The following CDNF variants were observed in gnomAD, a reference collection of about 807,000 sequenced individuals.
The protein encoded by CDNF is cerebral dopamine neurotrophic factor.
In CDNF, 9 loss-of-function variants were observed where a neutral mutation model predicts 14.8. The observed-to-expected ratio is 0.61, with a 90% CI of 0.37 to 1.06. The LOEUF (loss-of-function observed/expected upper bound fraction) is 1.06. CDNF is among the 50% of genes least tolerant of loss of function. CDNF has a pLI of 0.01. For synonymous variants in CDNF, 86 were observed against 87.2 expected (o/e 0.99, Z 0.07); for missense variants, 228 against 228.4 (o/e 1.00, Z 0.01).
chr10:14,824,219 AC>A (rs1174929910), intron 3 of CDNF, among the ~76,000 whole-genome samples: 2 of 152,156 alleles, frequency 1.3e-5, no homozygotes, highest in Non-Finnish European at 2.9e-5. Flanking sequence ...TATGATACCC[AC>A]TCAATCTACC....
In CDNF at chr10:14,826,457, G is replaced by GA. The variant is rs1376757246; in HGVS notation, c.244-838dup. 3.0e-3 allele frequency among the ~76,000 whole-genome samples: 420 copies of GA among 140,088 alleles called. 2 individuals carry two copies. The highest frequency in any genetic ancestry group is 0.011 in the African/African-American group (400 of 35,508). 91.9% of individuals were successfully genotyped at this position (140,088 alleles called of 152,430 possible). On this transcript the variant is annotated intron_variant, in intron 2 of 3. Transcript: ENST00000465530. ...GAAGAAAGAAGCAGAAGAAGCAGAA[G>GA]AAGAAAGAAGCAGAAGAAGAAGAAA...
Position 14,819,907 on chromosome 10 carries a change from A to G in CDNF, c.*73T>C, listed in dbSNP as rs1201320813. 2.1e-6 allele frequency: 3 copies of G among 1,397,496 alleles called. No homozygotes were observed. The Admixed American group carries it at 6.4e-5, about 30-fold the overall frequency. The allele number at this position is 1,397,496 out of a possible 1,614,324, so 86.6% of individuals were successfully genotyped here. A position where few individuals can be genotyped will look rare whatever the true frequency, so the allele number is the denominator to read the frequency against. ...ATATGATGCATTCCCAGTTATCCTT[A>G]ATCAACATGTCCATATCCTAGAGAG... On this transcript the variant is annotated 3_prime_UTR_variant, in exon 4 of 4. Coordinates refer to ENST00000465530, the MANE Select transcript of CDNF (RefSeq NM_001029954.3).
At chr10:14,836,200 C>G (rs1833884587) in intron 1 of CDNF, 1 of 152,158 alleles carries the variant, frequency 6.6e-6, no homozygotes, top group South Asian at 2.1e-4. Context: ...GAGGGAGGAT[C>G]ACTCATAAGC....
At chr10:14,831,549 TACACACACAC>T (rs879601256) in intron 1 of CDNF, among the ~76,000 whole-genome samples, 1 of 147,298 alleles carries the variant, frequency 6.8e-6, no homozygotes, top group Non-Finnish European at 1.5e-5. Context: ...AATACATATA[TACACACACAC>T]ACACACACAT....
In CDNF at chr10:14,826,188, A is replaced by AAGC. The variant is rs1174055254; in HGVS notation, c.244-571_244-569dup. Among the ~76,000 whole-genome samples the AAGC allele has an allele frequency of 1.4e-3, 184 of 130,302 alleles. 5 individuals carry two copies. The highest frequency in any genetic ancestry group is 5.0e-3 in the African/African-American group (154 of 30,840). The allele number at this position is 130,302 out of a possible 152,430, so 85.5% of individuals were successfully genotyped here. A position where few individuals can be genotyped will look rare whatever the true frequency, so the allele number is the denominator to read the frequency against. On this transcript the variant is annotated intron_variant, in intron 2 of 3. Transcript: ENST00000465530. ...GAAGCAGAAGCAGCAGCAGAAGCAG[A>AAGC]AGCAGCAGAAGAAGAAGAAGAAGAA... is the stretch of plus-strand genomic sequence containing the variant.
At chr10:14,825,728 G>C (rs1564313112) in intron 2 of CDNF, 108 bp from the exon 3 acceptor site, 31 of 1,213,854 alleles carry the variant, frequency 2.6e-5, no homozygotes, top group Non-Finnish European at 3.3e-5. Context: ...GCTGGACATG[G>C]TGGCTCACGC....
intron 1 of CDNF, among the ~76,000 whole-genome samples, chr10:14,829,619 GTTTT>G (rs201102760): frequency 4.0e-5 from 6 of 151,778 alleles, no homozygotes; most frequent in Admixed American, 1.3e-4. Context: ...AGTCTTCAGA[GTTTT>G]TTTTGTTTGT....
intron 2 of CDNF, among the ~76,000 whole-genome samples, chr10:14,826,002 AAGAAGC>A (rs879772371): frequency 1.4e-4 from 19 of 134,560 alleles, no homozygotes; most frequent in Non-Finnish European, 1.4e-4. Flanking sequence ...GAAGCAGCAG[AAGAAGC>A]AGAAGCAGAA....
intron 2 of CDNF, among the ~76,000 whole-genome samples, chr10:14,827,052 CAAAAAAAAAAAAA>C (rs34308438): frequency 0.019 from 1,451 of 74,704 alleles, 39 homozygotes; most frequent in African/African-American, 0.068. Context: ...CCCGTCTCTA[CAAAAAAAAAAAAA>C]AAAAAAAAAA....
chr10:14,828,420 G>C, intron 1 of CDNF, 148 bp from the exon 2 acceptor site: 6 of 673,166 alleles, frequency 8.9e-6, no homozygotes, highest in Non-Finnish European at 2.5e-6. Flanking sequence ...AGGCTGAGGT[G>C]GGCAGATCAC....
intron 3 of CDNF, among the ~76,000 whole-genome samples, chr10:14,822,988 T>A (rs1202316851): frequency 6.6e-6 from 1 of 152,208 alleles, no homozygotes; most frequent in African/African-American, 2.4e-5. Context: ...GAAAACATAC[T>A]CCAACTCCAC....
At chr10:14,825,057 G>A (rs867841125) in intron 3 of CDNF, among the ~76,000 whole-genome samples, 56 of 151,974 alleles carry the variant, frequency 3.7e-4, no homozygotes, top group African/African-American at 1.3e-3. Context: ...GGGTTCAAGC[G>A]ATTCTCCTGC....
chr10:14,830,236 T>C (rs1011612564), intron 1 of CDNF, among the ~76,000 whole-genome samples: 1 of 152,184 alleles, frequency 6.6e-6, no homozygotes, highest in Admixed American at 6.5e-5. Flanking sequence ...CTCAGAGATA[T>C]ATATTTTTTC....
chr10:14,827,052 CA>C (rs34308438), intron 2 of CDNF, among the ~76,000 whole-genome samples: 6,631 of 74,644 alleles, frequency 0.089, 84 homozygotes, highest in South Asian at 0.24. Flanking sequence ...CCCGTCTCTA[CA>C]AAAAAAAAAA....
intron 3 of CDNF, among the ~76,000 whole-genome samples, chr10:14,822,257 C>A (rs184413133): frequency 2.6e-5 from 4 of 152,114 alleles, no homozygotes; most frequent in Admixed American, 2.6e-4. Flanking sequence ...ACTACTATTT[C>A]GCTGTTTATA....
At chr10:14,821,643 G>T (rs535062795) in intron 3 of CDNF, among the ~76,000 whole-genome samples, 2 of 152,224 alleles carry the variant, frequency 1.3e-5, no homozygotes, top group African/African-American at 2.4e-5. Flanking sequence ...AAAGTTATTG[G>T]GATAATTTGT....
At chr10:14,823,254 T>G (rs926031083) in intron 3 of CDNF, among the ~76,000 whole-genome samples, 2 of 152,192 alleles carry the variant, frequency 1.3e-5, no homozygotes, top group African/African-American at 4.8e-5. Context: ...TATCTGGCAT[T>G]AATTTTAAAA....
intron 1 of CDNF, among the ~76,000 whole-genome samples, chr10:14,837,064 G>A (rs184424854): frequency 6.6e-6 from 1 of 152,354 alleles, no homozygotes; most frequent in Admixed American, 6.5e-5. Flanking sequence ...TTTTCCAGCT[G>A]AGGGCATATA....
intron 1 of CDNF, 111 bp downstream of exon 1, chr10:14,837,721 A>G: frequency 3.1e-6 from 2 of 647,200 alleles, no homozygotes; most frequent in Non-Finnish European, 5.3e-6. Context: ...CAGGGCCTGC[A>G]TTTCCTGGGC....
Sources: gnomAD v4.1 joint callset for allele counts (sites outside exome capture counted in the v4.1 genomes callset) on GRCh38, gnomAD v4.1.1 for gene constraint, MANE v1.5 for transcripts, NCBI Gene and HGNC (gene_info 2026-07-23, HGNC 2026-07-21) for gene names.